Variants in LIMCH1 observed in about 807,000 individuals in gnomAD.
LIMCH1 encodes the protein LIM and calponin homology domains-containing protein 1.
Under a neutral mutation model 176.5 loss-of-function variants are expected in LIMCH1, and 113 were observed. The observed-to-expected ratio is 0.64, with a 90% confidence interval of 0.55 to 0.75. LIMCH1 has a LOEUF of 0.75. Ranked by LOEUF, LIMCH1 falls within the 30% of genes least tolerant of loss-of-function variation. LIMCH1 has a pLI of 0.00. For synonymous variants in LIMCH1, 619 were observed against 645.9 expected (o/e 0.96, Z 0.63); for missense variants, 1,674 against 1,814.9 (o/e 0.92, Z 1.41).
chr4:41,393,452 A>G (rs77496592), intron 1 of LIMCH1, among the ~76,000 whole-genome samples: 3,205 of 152,330 alleles, frequency 0.021, 121 homozygotes, highest in African/African-American at 0.073. Context: ...ATGTCCTTTG[A>G]TAAAGAATTC....
intron 17 of LIMCH1, among the ~76,000 whole-genome samples, chr4:41,650,160 T>A (rs936815656): frequency 6.6e-6 from 1 of 152,196 alleles, no homozygotes; most frequent in African/African-American, 2.4e-5. Flanking sequence ...TGAAATGGAA[T>A]CTATAGTGAA....
intron 3 of LIMCH1, among the ~76,000 whole-genome samples, chr4:41,530,270 A>G (rs1273523721): frequency 1.3e-5 from 2 of 152,188 alleles, no homozygotes; most frequent in Admixed American, 6.5e-5. Context: ...TGCAGACTTC[A>G]TCTTTTTAGG....
chr4:41,670,830 G>A (rs531183968), intron 21 of LIMCH1: 10 of 1,533,928 alleles, frequency 6.5e-6, no homozygotes, highest in African/African-American at 4.1e-5. Flanking sequence ...TCTTTTGTGC[G>A]AAAATCCATG....
intron 1 of LIMCH1, among the ~76,000 whole-genome samples, chr4:41,561,023 ACAAACAAAC>A (rs759228475): frequency 9.2e-5 from 14 of 152,306 alleles, no homozygotes; most frequent in Admixed American, 7.2e-4. Context: ...TCTCAAAAAA[ACAAACAAAC>A]CAAACAAACC....
chr4:41,674,387 CT>C (rs1336494631), intron 22 of LIMCH1, among the ~76,000 whole-genome samples: 2 of 152,226 alleles, frequency 1.3e-5, no homozygotes, highest in East Asian at 3.8e-4. Flanking sequence ...GGCCATGCCC[CT>C]GGAAGAGCTT....
intron 2 of LIMCH1, among the ~76,000 whole-genome samples, chr4:41,513,712 T>C (rs2075213789): frequency 6.6e-6 from 1 of 152,054 alleles, no homozygotes; most frequent in African/African-American, 2.4e-5. Context: ...ATGATTCATA[T>C]ATGATTAATG....
chr4:41,514,046 A>ATT (rs2075285566), intron 2 of LIMCH1, among the ~76,000 whole-genome samples: 2 of 145,682 alleles, frequency 1.4e-5, no homozygotes, highest in African/African-American at 5.2e-5. Context: ...AAAAAAAAAA[A>ATT]ATTATTAACG....
At chr4:41,629,287 G>C (rs986129169) in intron 8 of LIMCH1, among the ~76,000 whole-genome samples, 1 of 152,172 alleles carries the variant, frequency 6.6e-6, no homozygotes, top group Non-Finnish European at 1.5e-5. Context: ...AAAAACCTCT[G>C]TCTCATTCAG....
At chr4:41,549,669 T>A (rs1057295766) in intron 1 of LIMCH1, among the ~76,000 whole-genome samples, 5 of 152,186 alleles carry the variant, frequency 3.3e-5, no homozygotes, top group African/African-American at 4.8e-5. Flanking sequence ...CTAACCACCG[T>A]GTTCCAAGAG....
At chr4:41,414,302 G>A (rs1435540374) in intron 1 of LIMCH1, among the ~76,000 whole-genome samples, 1 of 151,932 alleles carries the variant, frequency 6.6e-6, no homozygotes, top group Non-Finnish European at 1.5e-5. Flanking sequence ...GAGAGAAGGG[G>A]GTTGAGAGGG....
chr4:41,365,701 C>T (rs750708076), intron 1 of LIMCH1, among the ~76,000 whole-genome samples: 16 of 152,182 alleles, frequency 1.1e-4, no homozygotes, highest in Non-Finnish European at 1.5e-4. Flanking sequence ...TGAGAGCAGG[C>T]GGCATCTTTC....
chr4:41,581,274 G>A (rs1402517603), intron 1 of LIMCH1, among the ~76,000 whole-genome samples: 1 of 151,968 alleles, frequency 6.6e-6, no homozygotes, highest in African/African-American at 2.4e-5. Context: ...CCACAACTGA[G>A]CTAATTAACA....
intron 1 of LIMCH1, among the ~76,000 whole-genome samples, chr4:41,384,983 A>G (rs1270771714): frequency 1.3e-5 from 2 of 152,250 alleles, no homozygotes; most frequent in Non-Finnish European, 2.9e-5. Flanking sequence ...AGGGGAACAC[A>G]TCCTCTTTGC....
chr4:41,661,486 G>A lies in LIMCH1; in HGVS notation c.3103G>A (p.Gly1035Arg). ...DKNDGGKSRKGNIELASSEPQ... is the reference protein window; with the variant it reads ...DKNDGGKSRKRNIELASSEPQ... ...GAATGATGGTGGAAAATCAAGAAAA[G>A]GGAATATAGAACTTGCCTCATCAGG... The change falls in exon 19 of 32, where the codon GGG (glycine) becomes AGG (arginine). Residue 1035 changes from glycine (G) to arginine (R), a missense_variant. Coordinates refer to ENST00000503057, the MANE Select transcript of LIMCH1 (RefSeq NM_001330672.2). The A allele has an allele frequency of 6.2e-7, 1 of 1,612,032 alleles. No homozygotes were observed. The highest frequency in any genetic ancestry group is 8.5e-7 in the Non-Finnish European group (1 of 1,178,858).
At chr4:41,431,147 G>C (rs959868969) in intron 1 of LIMCH1, among the ~76,000 whole-genome samples, 1 of 152,296 alleles carries the variant, frequency 6.6e-6, no homozygotes, top group East Asian at 1.9e-4. Flanking sequence ...GTGGGTTATG[G>C]GTTGTGTCCT....
intron 1 of LIMCH1, among the ~76,000 whole-genome samples, chr4:41,560,294 A>C (rs559804162): frequency 6.6e-6 from 1 of 152,186 alleles, no homozygotes; most frequent in South Asian, 2.1e-4. Context: ...GTCAAAGCTC[A>C]TGTGTCAAAG....
At chr4:41,673,760 C>T (rs1000921697) in intron 22 of LIMCH1, among the ~76,000 whole-genome samples, 3 of 152,166 alleles carry the variant, frequency 2.0e-5, no homozygotes, top group African/African-American at 7.2e-5. Context: ...GGATGAGGGG[C>T]TCTTCCTGCC....
rs536061729 is a variant in LIMCH1 at position 41,419,561 on chromosome 4, C to CCCTTCCTTCCTTCCTT, written c.96+58652_96+58667dup. Among the ~76,000 whole-genome samples the CCCTTCCTTCCTTCCTT allele has an allele frequency of 9.3e-4, 108 of 116,328 alleles. 1 individual carries two copies. The highest frequency in any genetic ancestry group is 1.4e-3 in the Non-Finnish European group (75 of 55,250). 76.3% of individuals were successfully genotyped at this position (116,328 alleles called of 152,430 possible). A position where few individuals can be genotyped will look rare whatever the true frequency, so the allele number is the denominator to read the frequency against. On this transcript the variant is annotated intron_variant, in intron 1 of 26. Coordinates refer to the LIMCH1 transcript ENST00000313860. ...GCCTACATTTTCTTCCTTTCCTTTC[C>CCCTTCCTTCCTTCCTT]CCTTCCTTCCTTCCTTCCTTCCTTC...
At chr4:41,598,597 G>A (rs1014181356) in intron 1 of LIMCH1, among the ~76,000 whole-genome samples, 1 of 152,084 alleles carries the variant, frequency 6.6e-6, no homozygotes, top group Non-Finnish European at 1.5e-5. Flanking sequence ...CATGGACAAA[G>A]AAGCAATAAG....
Sources: allele counts gnomAD v4.1 joint callset (sites outside exome capture counted in the v4.1 genomes callset), GRCh38; gene constraint gnomAD v4.1.1; transcripts MANE v1.5; gene names NCBI Gene and HGNC (gene_info 2026-07-23, HGNC 2026-07-21).